Variants in INF2 observed in about 807,000 individuals in gnomAD.
The protein encoded by INF2 is inverted formin-2.
INF2 carries 43 observed loss-of-function variants against 123.5 expected under a neutral mutation model. The observed-to-expected ratio is 0.35, with a 90% CI of 0.27 to 0.45. The LOEUF is 0.45. Among genes scored for constraint, INF2 ranks in the 20% least tolerant of loss-of-function variants. INF2 has a pLI of 1.00. For synonymous variants in INF2, 851 were observed against 745.0 expected (o/e 1.14, Z -2.32); for missense variants, 1,453 against 1,682.7 (o/e 0.86, Z 2.39).
chr14:104,713,896 GC>G (rs997573098), intron 20 of INF2, among the ~76,000 whole-genome samples: 2 of 152,258 alleles, frequency 1.3e-5, no homozygotes, highest in African/African-American at 4.8e-5. Flanking sequence ...ACTGACCGAT[GC>G]CCTTGGGCTC....
chr14:104,689,260 G>GC (rs1888802465), upstream of INF2: 1 of 985,214 alleles, frequency 1.0e-6, no homozygotes, highest in African/African-American at 1.7e-5. Flanking sequence ...GCGGCGCCTG[G>GC]GAGGCCAGTC....
At chr14:104,692,274 C>T (rs574483179) in intron 1 of INF2, among the ~76,000 whole-genome samples, 15 of 152,350 alleles carry the variant, frequency 9.8e-5, no homozygotes, top group African/African-American at 2.6e-4. Flanking sequence ...AGGTGAGGCG[C>T]GGGACAGTCG....
At chr14:104,710,015 C>T in intron 12 of INF2, 73 bp from the exon 13 acceptor site, 1 of 1,291,538 alleles carries the variant, frequency 7.7e-7, no homozygotes, top group Non-Finnish European at 1.1e-6. Flanking sequence ...AGCCAGAGCC[C>T]TGTGCTGAGT....
intron 6 of INF2, among the ~76,000 whole-genome samples, chr14:104,706,448 A>G (rs1158963702): frequency 6.6e-6 from 1 of 152,100 alleles, no homozygotes; most frequent in East Asian, 1.9e-4. Flanking sequence ...GGCTCCAAAG[A>G]CCAGTGCGGC....
upstream of INF2, chr14:104,689,545 G>T (rs1429954042): frequency 2.0e-5 from 15 of 734,740 alleles, no homozygotes; most frequent in Non-Finnish European, 1.1e-5. Flanking sequence ...GCCCGCGCTC[G>T]CTCCCCACGT....
rs192456229 is a variant in INF2 at position 104,700,973 on chromosome 14, G to A, written c.-9-384G>A. 679 of 635,914 alleles carry A rather than the reference G, an allele frequency of 1.1e-3. 16 individuals carry two copies. The Admixed American group carries it at 0.039, about 36-fold the overall frequency. The allele number at this position is 635,914 out of a possible 1,614,324, so 39.4% of individuals were successfully genotyped here. A position where few individuals can be genotyped will look rare whatever the true frequency, so the allele number is the denominator to read the frequency against. Reference sequence around the variant, plus strand: ...TTGTCGCATCATTACCGTGGGTAATGTTCCAGCCAGGGGAGCCTCCCGCTC... The same window carrying A: ...TTGTCGCATCATTACCGTGGGTAATATTCCAGCCAGGGGAGCCTCCCGCTC... On this transcript the variant is annotated intron_variant, in intron 1 of 22. Transcript: ENST00000392634.
chr14:104,681,782 G>T (rs769587707), intron 1 of INF2, among the ~76,000 whole-genome samples: 3 of 152,270 alleles, frequency 2.0e-5, no homozygotes, highest in Non-Finnish European at 4.4e-5. Context: ...AGGTGAGGAT[G>T]GGGGCTGGAG....
intron 12 of INF2, 30 bp downstream of exon 12, chr14:104,709,735 C>A: frequency 6.3e-7 from 1 of 1,587,232 alleles, no homozygotes; most frequent in Non-Finnish European, 8.6e-7. Flanking sequence ...GACCCCAGGG[C>A]CTGGGCCCCA....
chr14:104,718,759 TG>T lies in INF2; in HGVS notation c.*2-35del, dbSNP rs757891950. 5 of 1,611,284 alleles carry T rather than the reference TG, an allele frequency of 3.1e-6. No homozygotes were observed. The Admixed American group carries it at 6.7e-5, about 22-fold the overall frequency. On this transcript the variant is annotated intron_variant, in intron 22 of 22. Coordinates refer to ENST00000392634, the MANE Select transcript of INF2 (RefSeq NM_022489.4). Reference sequence around the variant, plus strand: ...CACCTGATATTGTACCCAGCAAAACTGCTCCTAATAATGTCATTTTTTCTCT... The same window carrying T: ...CACCTGATATTGTACCCAGCAAAACTCTCCTAATAATGTCATTTTTTCTCT...
intron 1 of INF2, among the ~76,000 whole-genome samples, chr14:104,696,380 G>A (rs759777277): frequency 3.3e-5 from 5 of 152,200 alleles, no homozygotes; most frequent in South Asian, 2.1e-4. Context: ...GGCCCAGTGC[G>A]CCCCATGCCC....
In INF2 at chr14:104,703,422, G is replaced by T; in HGVS notation, c.635G>T (p.Arg212Leu). The T allele has an allele frequency of 6.2e-7, 1 of 1,612,788 alleles. No individual in the cohort carries two copies. Among genetic ancestry groups the T allele is most frequent in the Non-Finnish European group, 8.5e-7 (1 of 1,179,946 alleles). Residue 212 changes from arginine (R) to leucine (L), a missense_variant, in exon 4 of 23, where the codon CGC becomes CTC. Transcript: ENST00000392634. ...GTCATCTTGGGCCCCGAGGACCTGC[G>T]CGCGCGCACCCAGCTGCGGAACGAG... is the stretch of plus-strand genomic sequence containing the variant. ...NAVILGPEDL[R>L]ARTQLRNEFI...
At chr14:104,681,691 T>G in intron 1 of INF2, 1 of 939,622 alleles carries the variant, frequency 1.1e-6, no homozygotes, top group Admixed American at 2.4e-5. Flanking sequence ...CACAGGCCCC[T>G]GAGGTCCCGG....
rs1036045679 is a variant in INF2 at position 104,699,086 on chromosome 14, CTCAGG to C, written c.-9-2265_-9-2261del. Among the ~76,000 whole-genome samples the C allele has an allele frequency of 7.2e-5, 11 of 152,066 alleles. No homozygotes were observed. The highest frequency in any genetic ancestry group is 2.2e-4 in the African/African-American group (9 of 41,402). The stretch of plus-strand genomic sequence containing the variant: ...CTGGGCAGTGCCAAGAGGGGCAGTA[CTCAGG>C]TCAGGGAGCATCTTCTGTGTCCAGG... On this transcript the variant is annotated intron_variant, in intron 1 of 22. Transcript: ENST00000392634. This position sits in a 1 kb window ranked among gnomAD's most constrained non-coding sequence, Gnocchi z 4.7.
Position 104,695,052 on chromosome 14 carries a change from T to C in INF2, c.-10+5313T>C, listed in dbSNP as rs984742004. Among the ~76,000 whole-genome samples the C allele has an allele frequency of 2.6e-4, 40 of 152,162 alleles. 1 individual carries two copies. Among genetic ancestry groups the C allele is most frequent in the Admixed American group, 2.0e-3 (30 of 15,304 alleles). ...AGGAGGCATCTCTGAGTATGTCTGGTCCGGGGGGAGGAAACCCAGGTGGGA... is the reference window on the plus strand; with the variant it reads ...AGGAGGCATCTCTGAGTATGTCTGGCCCGGGGGGAGGAAACCCAGGTGGGA... On this transcript the variant is annotated intron_variant, in intron 1 of 22. Transcript: ENST00000392634.
chr14:104,709,727 C>T (rs1029535128), intron 12 of INF2, 22 bp downstream of exon 12: 2 of 1,601,382 alleles, frequency 1.2e-6, no homozygotes, highest in Non-Finnish European at 1.7e-6. Flanking sequence ...CGCCCTCAGA[C>T]CCCAGGGCCT....
chr14:104,693,520 C>T (rs1037192272), intron 1 of INF2, among the ~76,000 whole-genome samples: 8 of 152,170 alleles, frequency 5.3e-5, no homozygotes, highest in African/African-American at 1.9e-4. Flanking sequence ...AAGCAGTGGC[C>T]GCTGAGCACA....
chr14:104,710,624 A>AT, intron 13 of INF2: 1 of 526,816 alleles, frequency 1.9e-6, no homozygotes, highest in Non-Finnish European at 3.4e-6. Context: ...TACAGACATA[A>AT]GTGCACACAC....
chr14:104,687,297 C>G (rs890714581), upstream of INF2, among the ~76,000 whole-genome samples: 22 of 152,024 alleles, frequency 1.4e-4, no homozygotes, highest in African/African-American at 5.1e-4. This position sits in a 1 kb window ranked among gnomAD's most constrained non-coding sequence, Gnocchi z 5.6. Flanking sequence ...GAGGGTGAGC[C>G]ACTGAAGGAG....
chr14:104,707,121 G>T, intron 7 of INF2, 70 bp downstream of exon 7: 4 of 1,518,628 alleles, frequency 2.6e-6, no homozygotes, highest in South Asian at 2.4e-5. Context: ...CCATGGGGGG[G>T]GGAGCCTGCC....
Sources: gnomAD v4.1 joint callset for allele counts (sites outside exome capture counted in the v4.1 genomes callset) on GRCh38, gnomAD v4.1.1 for gene constraint, Gnocchi (gnomAD v3.1) non-coding constraint, MANE v1.5 for transcripts, NCBI Gene and HGNC (gene_info 2026-07-23, HGNC 2026-07-21) for gene names.